SPON1: variants seen among roughly 807,000 people sequenced by gnomAD.
The protein encoded by SPON1 is spondin 1, also known as spondin-1.
A neutral mutation model predicts 111.7 loss-of-function variants in SPON1; 52 were observed. That is an observed-to-expected ratio of 0.47 (90% CI 0.37 to 0.59). The LOEUF (loss-of-function observed/expected upper bound fraction) is 0.59, where lower values mean the gene tolerates loss of function less well. Among genes scored for constraint, SPON1 ranks in the 20% least tolerant of loss-of-function variants. The pLI, the probability that SPON1 is intolerant of heterozygous loss-of-function variation, is 0.00. For missense variants in SPON1, 957 were observed against 1,068.5 expected (o/e 0.90, Z 1.46); for synonymous variants, 410 against 395.8 (o/e 1.04, Z -0.43).
intron 6 of SPON1, among the ~76,000 whole-genome samples, chr11:14,166,857 A>G (rs12578084): frequency 0.19 from 29,420 of 151,994 alleles, 2,940 homozygotes; most frequent in Admixed American, 0.25. Context: ...AATCTCCAGC[A>G]TTATTCATCA....
intron 2 of SPON1, among the ~76,000 whole-genome samples, chr11:14,012,428 A>T (rs1022525629): frequency 1.1e-4 from 17 of 152,244 alleles, no homozygotes; most frequent in African/African-American, 4.1e-4. Flanking sequence ...GGAGAACCAG[A>T]TTAACACCAG....
At chr11:14,194,315 A>C (rs1364656868) in intron 6 of SPON1, among the ~76,000 whole-genome samples, 1 of 152,196 alleles carries the variant, frequency 6.6e-6, no homozygotes, top group Admixed American at 6.5e-5. Context: ...CATGGAATTG[A>C]ATAATCTGCC....
intron 5 of SPON1, among the ~76,000 whole-genome samples, chr11:14,116,926 C>T (rs1455237835): frequency 1.3e-5 from 2 of 152,082 alleles, no homozygotes; most frequent in Non-Finnish European, 2.9e-5. Context: ...GTCTTGTTCA[C>T]TTTTTCATGA....
At chr11:14,044,405 A>C (rs1848653264) in intron 3 of SPON1, among the ~76,000 whole-genome samples, 1 of 152,160 alleles carries the variant, frequency 6.6e-6, no homozygotes, top group Non-Finnish European at 1.5e-5. Context: ...TGAGGTAAGG[A>C]GTTCAAGACC....
chr11:14,037,338 G>A (rs1370997405), intron 2 of SPON1, among the ~76,000 whole-genome samples: 1 of 151,918 alleles, frequency 6.6e-6, no homozygotes, highest in Admixed American at 6.6e-5. Context: ...TGGGAAGAAG[G>A]GATGGGACCA....
At chr11:14,092,445 G>A (rs554846082) in intron 5 of SPON1, among the ~76,000 whole-genome samples, 19 of 152,326 alleles carry the variant, frequency 1.2e-4, no homozygotes, top group African/African-American at 4.6e-4. Context: ...AGTACTCTTT[G>A]ACTAACTTGC....
At chr11:14,217,060 G>A (rs1233232361) in intron 6 of SPON1, among the ~76,000 whole-genome samples, 3 of 152,170 alleles carry the variant, frequency 2.0e-5, no homozygotes, top group South Asian at 4.1e-4. Context: ...GGAGAAGGTG[G>A]CGTGCGTCAT....
At chr11:13,974,679 G>A (rs1830390) in intron 1 of SPON1, among the ~76,000 whole-genome samples, 17,010 of 152,072 alleles carry the variant, frequency 0.11, 1,247 homozygotes, top group South Asian at 0.18. Context: ...GGCTTTTAGG[G>A]CAAAGCTGTA....
At chr11:14,189,319 T>C (rs1403997720) in intron 6 of SPON1, among the ~76,000 whole-genome samples, 1 of 152,200 alleles carries the variant, frequency 6.6e-6, no homozygotes, top group Non-Finnish European at 1.5e-5. Flanking sequence ...TTTTCTTCGA[T>C]TCATCACCTC....
chr11:13,982,908 G>C lies in SPON1; in HGVS notation c.300G>C (p.Glu100Asp). The C allele has an allele frequency of 6.4e-7, 1 of 1,559,952 alleles. No homozygotes were observed. Among genetic ancestry groups the C allele is most frequent in the Middle Eastern group, 1.7e-4 (1 of 6,000 alleles). The change falls in exon 2 of 16, where the codon GAG (glutamate) becomes GAC (aspartate). Residue 100 changes from glutamate to aspartate, a missense_variant. Glu to Asp is a conservative substitution (Grantham distance 45, BLOSUM62 2). Transcript: ENST00000576479. ...FRGFTLIALR[E>D]NREGDKEEDH... Reference sequence around the variant, plus strand: ...GATTCACATTAATTGCCCTCAGAGAGAACAGAGAGGGTGATAAGGAAGAAG... The same window carrying C: ...GATTCACATTAATTGCCCTCAGAGACAACAGAGAGGGTGATAAGGAAGAAG...
intron 6 of SPON1, among the ~76,000 whole-genome samples, chr11:14,174,374 G>A (rs1322348251): frequency 2.0e-5 from 3 of 152,112 alleles, no homozygotes; most frequent in Non-Finnish European, 4.4e-5. Flanking sequence ...CCTAACTACT[G>A]TTAGCCATCC....
intron 6 of SPON1, among the ~76,000 whole-genome samples, chr11:14,197,372 A>G (rs1848413257): frequency 6.6e-6 from 1 of 152,052 alleles, no homozygotes; most frequent in African/African-American, 2.4e-5. Context: ...TCAGTGCCCG[A>G]AAGCACAGGA....
intron 2 of SPON1, among the ~76,000 whole-genome samples, chr11:13,987,777 C>T (rs1174703080): frequency 6.6e-5 from 10 of 152,160 alleles, no homozygotes; most frequent in African/African-American, 2.2e-4. Context: ...TATGGCTAGC[C>T]ATTTTTCCCA....
chr11:14,140,547 A>C (rs1291090806), intron 6 of SPON1, among the ~76,000 whole-genome samples: 1 of 152,088 alleles, frequency 6.6e-6, no homozygotes, highest in African/African-American at 2.4e-5. Flanking sequence ...GGCGCCTGCC[A>C]TCATGCCCAG....
At chr11:14,088,222 G>A (rs782353259) in intron 5 of SPON1, among the ~76,000 whole-genome samples, 1 of 152,184 alleles carries the variant, frequency 6.6e-6, no homozygotes, top group Non-Finnish European at 1.5e-5. Flanking sequence ...TTTCTTCATA[G>A]TGTCATTGAT....
At chr11:14,065,976 A>C (rs1848829518) in intron 3 of SPON1, among the ~76,000 whole-genome samples, 1 of 152,200 alleles carries the variant, frequency 6.6e-6, no homozygotes, top group South Asian at 2.1e-4. Context: ...ATAGATGTGA[A>C]GAGGTTGGCA....
At position 14,046,311 on chromosome 11, in the gene SPON1, A is replaced by G. The variant is rs200204688; in HGVS notation, c.479+4657A>G. On this transcript the variant is annotated intron_variant, in intron 3 of 15. Coordinates refer to ENST00000576479, the MANE Select transcript of SPON1 (RefSeq NM_006108.4). ...GGACTCTCCCTTTGGTGTGGCTCCA[A>G]CTACAGGAACACAGAGCCCATTGAT... Among the ~76,000 whole-genome samples, 25 of 152,312 alleles carry G rather than the reference A, an allele frequency of 1.6e-4. No homozygotes were observed. The East Asian group carries it at 3.5e-3, about 21-fold the overall frequency.
At chr11:14,086,387 G>T (rs543426732) in intron 5 of SPON1, among the ~76,000 whole-genome samples, 2 of 152,142 alleles carry the variant, frequency 1.3e-5, no homozygotes, top group Non-Finnish European at 2.9e-5. Flanking sequence ...GGCTTTTTCT[G>T]CATCTATTGA....
intron 2 of SPON1, among the ~76,000 whole-genome samples, chr11:14,008,792 G>A (rs1554913456): frequency 6.6e-6 from 1 of 152,024 alleles, no homozygotes; most frequent in Non-Finnish European, 1.5e-5. Flanking sequence ...TTCTTGATAA[G>A]GTCCTTCCCT....
Sources: allele counts gnomAD v4.1 joint callset (sites outside exome capture counted in the v4.1 genomes callset), GRCh38; gene constraint gnomAD v4.1.1; transcripts MANE v1.5; gene names NCBI Gene and HGNC (gene_info 2026-07-23, HGNC 2026-07-21).